C4orf51: variants seen among roughly 807,000 people sequenced by gnomAD.
The protein encoded by C4orf51 is chromosome 4 open reading frame 51.
In C4orf51, 25 loss-of-function variants were observed where a neutral mutation model predicts 25.2. The observed-to-expected ratio is 0.99, with a 90% CI of 0.72 to 1.39. The LOEUF (loss-of-function observed/expected upper bound fraction) is 1.39, where lower values mean the gene tolerates loss of function less well. Ranked by LOEUF, C4orf51 falls within the 40% of genes most tolerant of loss-of-function variation. C4orf51 has a pLI of 0.00. For missense variants in C4orf51, 252 were observed against 239.6 expected, an observed-to-expected ratio of 1.05 and a Z score of -0.34; for synonymous variants, 100 against 84.5, an observed-to-expected ratio of 1.18 and a Z score of -1.01.
At chr4:145,730,106 T>A (rs2126771951) in intron 5 of C4orf51, 141 bp downstream of exon 5, 10 of 688,106 alleles carry the variant, frequency 1.5e-5, no homozygotes, top group Admixed American at 9.7e-5. Context: ...TAAGTTACAA[T>A]CAGGCAAAAA....
chr4:145,703,214 G>A (rs1259058170), intron 2 of C4orf51, among the ~76,000 whole-genome samples: 1 of 150,322 alleles, frequency 6.7e-6, no homozygotes, highest in Non-Finnish European at 1.5e-5. Context: ...GTAAATGGCC[G>A]GTCCTTGCCT....
intron 5 of C4orf51, among the ~76,000 whole-genome samples, chr4:145,732,126 A>G (rs941772853): frequency 6.6e-6 from 1 of 152,208 alleles, no homozygotes; most frequent in African/African-American, 2.4e-5. Context: ...TGGAAACTGG[A>G]AAGCAGAGCA....
intron 2 of C4orf51, among the ~76,000 whole-genome samples, chr4:145,699,888 A>G (rs1346202950): frequency 7.2e-6 from 1 of 138,800 alleles, no homozygotes; most frequent in Non-Finnish European, 1.6e-5. Flanking sequence ...GTACCCCTCA[A>G]CCCCTTCTCC....
chr4:145,787,464 G>GAAAA, the C4orf51 span, among the ~76,000 whole-genome samples: 1 of 83,214 alleles, frequency 1.2e-5, no homozygotes, highest in Non-Finnish European at 2.4e-5. Context: ...TCCGTCTCAG[G>GAAAA]AAAAAAAAAA....
intron 1 of C4orf51, among the ~76,000 whole-genome samples, chr4:145,687,610 GT>G (rs1391197933): frequency 6.6e-6 from 1 of 152,228 alleles, no homozygotes. Flanking sequence ...AGAAAAAGTT[GT>G]GATAACTGTA....
intron 2 of C4orf51, among the ~76,000 whole-genome samples, chr4:145,725,247 T>C (rs552650186): frequency 2.6e-5 from 4 of 152,156 alleles, no homozygotes; most frequent in Non-Finnish European, 5.9e-5. Flanking sequence ...AGTTACTACT[T>C]CACATCCATT....
downstream of C4orf51, among the ~76,000 whole-genome samples, chr4:145,755,528 A>C (rs1471659203): frequency 6.6e-6 from 1 of 152,244 alleles, no homozygotes; most frequent in Non-Finnish European, 1.5e-5. Context: ...CAGTGTGAGC[A>C]GGATCTGAAT....
At chr4:145,694,077 G>A (rs1309294529) in intron 1 of C4orf51, among the ~76,000 whole-genome samples, 3 of 144,986 alleles carry the variant, frequency 2.1e-5, no homozygotes, top group Non-Finnish European at 3.0e-5. Flanking sequence ...GGTCTCGGCC[G>A]GGCAGAGGCG....
At chr4:145,788,434 G>T in the C4orf51 span, among the ~76,000 whole-genome samples, 2 of 152,136 alleles carry the variant, frequency 1.3e-5, no homozygotes, top group African/African-American at 2.4e-5. Flanking sequence ...GCCAATTGAT[G>T]GCTGCCATTA....
At chr4:145,693,813 G>A (rs112719580) in intron 1 of C4orf51, among the ~76,000 whole-genome samples, 60 of 41,828 alleles carry the variant, frequency 1.4e-3, no homozygotes, top group Admixed American at 2.0e-3. Context: ...CTCACCTCCC[G>A]GACGGGGCGG....
At chr4:145,756,944 TTTA>T (rs1321685171), downstream of C4orf51, among the ~76,000 whole-genome samples, 1 of 152,228 alleles carries the variant, frequency 6.6e-6, no homozygotes, top group Non-Finnish European at 1.5e-5. Context: ...GGACATTATA[TTTA>T]TAAGCATGCA....
chr4:145,701,901 C>CA (rs1243108519), intron 2 of C4orf51, among the ~76,000 whole-genome samples: 1 of 152,072 alleles, frequency 6.6e-6, no homozygotes, highest in African/African-American at 2.4e-5. Context: ...TCCTGGACTA[C>CA]AGCCGCATCT....
intron 1 of C4orf51, chr4:145,770,842 G>A (rs779800479): frequency 3.3e-5 from 5 of 152,150 alleles, no homozygotes; most frequent in Non-Finnish European, 7.3e-5. Flanking sequence ...CTGGGTCACA[G>A]GGCATTACAT....
At position 145,768,098 on chromosome 4, in the gene C4orf51, G is replaced by A. The variant is rs563897143; in HGVS notation, n.167-2890G>A. Among the ~76,000 whole-genome samples the A allele has an allele frequency of 4.6e-5, 7 of 152,282 alleles. No individual in the cohort carries two copies. In the South Asian group the frequency reaches 1.0e-3, roughly 23 times the overall value. On this transcript the variant is annotated intron_variant and non_coding_transcript_variant, in intron 1 of 1. Coordinates refer to the C4orf51 transcript ENST00000510096. ...AGGAGAGAAATGGAAGTCTACTTGC[G>A]TGAGGTTCTTATACAACATATGAAG... is the stretch of plus-strand genomic sequence containing the variant.
chr4:145,696,566 T>C lies in C4orf51; in HGVS notation c.241T>C (p.Leu81=), dbSNP rs1730074153. The change falls in exon 2 of 6, where the codon TTG becomes CTG. Residue 81 remains leucine, a synonymous_variant. Transcript: ENST00000438731. ...TCTACTTGCTTTCCTTAGGATGTCATTGACAAACAGTTCTGCCTGTCATCT... is the reference window on the plus strand; with the variant it reads ...TCTACTTGCTTTCCTTAGGATGTCACTGACAAACAGTTCTGCCTGTCATCT... ...QHEPECKQMS[L]TNSSACHLLC... is the part of the protein sequence containing the mutation. 1 of 1,613,076 alleles carries C rather than the reference T, an allele frequency of 6.2e-7. No homozygotes were observed. Among genetic ancestry groups the C allele is most frequent in the Non-Finnish European group, 8.5e-7 (1 of 1,179,230 alleles).
chr4:145,715,899 A>G (rs957999780), intron 2 of C4orf51, among the ~76,000 whole-genome samples: 1 of 152,180 alleles, frequency 6.6e-6, no homozygotes, highest in African/African-American at 2.4e-5. Flanking sequence ...ACTTCCCAGA[A>G]TGTAACTTCC....
chr4:145,686,576 A>G (rs1374190818), intron 1 of C4orf51, among the ~76,000 whole-genome samples: 1 of 152,094 alleles, frequency 6.6e-6, no homozygotes, highest in Non-Finnish European at 1.5e-5. Context: ...GTCAAAGTCA[A>G]CTTTTTCAAA....
At chr4:145,719,408 A>G (rs527970128) in intron 2 of C4orf51, among the ~76,000 whole-genome samples, 23 of 152,222 alleles carry the variant, frequency 1.5e-4, no homozygotes, top group African/African-American at 5.3e-4. Flanking sequence ...GATCGAGACC[A>G]TCCTGGCTAA....
rs10008599 is a variant in C4orf51, at chr4:145,732,468, G to C, written c.517G>C (p.Asp173His). The C allele has an allele frequency of 3.1e-6, 5 of 1,609,362 alleles. No individual in the cohort carries two copies. In the South Asian group the frequency reaches 5.6e-5, roughly 18 times the overall value. Residue 173 changes from aspartate (D) to histidine (H), a missense_variant, in exon 6 of 6, where the codon GAT (aspartate) becomes CAT (histidine). Coordinates refer to ENST00000438731, the MANE Select transcript of C4orf51 (RefSeq NM_001080531.3). Reference protein sequence around the residue: ...GVLKHLHGRCDSESKVCSSED... With the variant: ...GVLKHLHGRCHSESKVCSSED... ...TTTTCTCCAGCTTCATGGACGGTGC[G>C]ATTCTGAAAGCAAGGTTTGCTCATC... is the stretch of plus-strand genomic sequence containing the variant.
Sources: gnomAD v4.1 joint callset for allele counts (sites outside exome capture counted in the v4.1 genomes callset) on GRCh38, gnomAD v4.1.1 for gene constraint, MANE v1.5 for transcripts, NCBI Gene and HGNC (gene_info 2026-07-23, HGNC 2026-07-21) for gene names.